ZNF600: variants seen among roughly 807,000 people sequenced by gnomAD.
ZNF600 encodes zinc finger protein 600.
ZNF600 carries 4 observed loss-of-function variants against 7.3 expected under a neutral mutation model. That is an observed-to-expected ratio of 0.55 (90% CI 0.27 to 1.25). The LOEUF is 1.25. ZNF600 is among the 50% of genes most tolerant of loss of function. The pLI is 0.12. For synonymous variants in ZNF600, 290 were observed against 308.9 expected (o/e 0.94, Z 0.64); for missense variants, 911 against 922.1 (o/e 0.99, Z 0.16).
At chr19:52,782,391 T>A (rs1312876177) in intron 1 of ZNF600, among the ~76,000 whole-genome samples, 1 of 149,710 alleles carries the variant, frequency 6.7e-6, no homozygotes, top group Non-Finnish European at 1.5e-5. Context: ...GCCATGGTGG[T>A]GCGTGCCTGT....
chr19:52,779,357 C>A (rs1309386812), intron 1 of ZNF600, among the ~76,000 whole-genome samples: 1 of 152,202 alleles, frequency 6.6e-6, no homozygotes, highest in African/African-American at 2.4e-5. Flanking sequence ...GAATAAGAAT[C>A]CCTGCTAAAG....
chr19:52,812,740 A>ATAAT, the ZNF600 span, among the ~76,000 whole-genome samples: 2 of 115,550 alleles, frequency 1.7e-5, no homozygotes, highest in Admixed American at 9.3e-5. Context: ...CCCCTCTGCG[A>ATAAT]GAAACACCCA....
chr19:52,814,102 T>A, the ZNF600 span, among the ~76,000 whole-genome samples: 38 of 146,674 alleles, frequency 2.6e-4, 3 homozygotes, highest in Non-Finnish European at 4.0e-4. Flanking sequence ...AATACACGTG[T>A]ACAAGACTTG....
In ZNF600 at chr19:52,785,653, A is replaced by G. The variant is rs947981741; in HGVS notation, c.-20+942T>C. ...TCTCTCCGTCTCCTCTGCTCTCCCTATTAAATTCTCTCTTCCCTGTTATAC... is the reference window on the plus strand; with the variant it reads ...TCTCTCCGTCTCCTCTGCTCTCCCTGTTAAATTCTCTCTTCCCTGTTATAC... On this transcript the variant is annotated intron_variant, in intron 1 of 3. Coordinates refer to ENST00000648973, the Ensembl canonical transcript of ZNF600. Among the ~76,000 whole-genome samples, 4 of 151,748 alleles carry G rather than the reference A, an allele frequency of 2.6e-5. No homozygotes were observed. In the East Asian group the frequency reaches 5.8e-4, roughly 22 times the overall value.
chr19:52,806,556 A>G, the ZNF600 span, among the ~76,000 whole-genome samples: 2 of 139,130 alleles, frequency 1.4e-5, no homozygotes, highest in Non-Finnish European at 3.0e-5. Flanking sequence ...ACATACCTGC[A>G]ACAATAACCT....
chr19:52,777,469 A>G (rs1247858971), intron 2 of ZNF600, among the ~76,000 whole-genome samples: 3 of 152,096 alleles, frequency 2.0e-5, no homozygotes, highest in Non-Finnish European at 2.9e-5. Flanking sequence ...GGAGGCCAGG[A>G]TATCAAGGCT....
In ZNF600 at chr19:52,785,909, C is replaced by T. The variant is rs370926499; in HGVS notation, c.-20+686G>A. Among the ~76,000 whole-genome samples the T allele has an allele frequency of 2.0e-5, 3 of 152,310 alleles. No individual in the cohort carries two copies. In the East Asian group the frequency reaches 5.8e-4, roughly 29 times the overall value. ...TCTACATTTCTCCAGTTGCTTTTCTCCTCCTGCTTTCTTAGTTTTTTTTCT... is the reference window on the plus strand; with the variant it reads ...TCTACATTTCTCCAGTTGCTTTTCTTCTCCTGCTTTCTTAGTTTTTTTTCT... On this transcript the variant is annotated intron_variant, in intron 1 of 3. Coordinates refer to ENST00000648973, the Ensembl canonical transcript of ZNF600.
chr19:52,823,248 C>G, the ZNF600 span, among the ~76,000 whole-genome samples: 6 of 152,152 alleles, frequency 3.9e-5, no homozygotes, highest in Admixed American at 1.3e-4. Flanking sequence ...GAGTCTTGCT[C>G]TGTTGCCCAG....
chr19:52,817,902 A>C, the ZNF600 span: 5 of 1,609,286 alleles, frequency 3.1e-6, no homozygotes, highest in Non-Finnish European at 4.2e-6. Flanking sequence ...AGCGTTTCTG[A>C]AAGGAAGGAG....
At chr19:52,802,823 T>TGC in the ZNF600 span, among the ~76,000 whole-genome samples, 172 of 150,186 alleles carry the variant, frequency 1.1e-3, no homozygotes, top group African/African-American at 4.1e-3. Context: ...TGCAGTGGCA[T>TGC]GATCTCGGCT....
the ZNF600 span, among the ~76,000 whole-genome samples, chr19:52,828,549 T>C: frequency 4.9e-4 from 74 of 152,286 alleles, no homozygotes; most frequent in Middle Eastern, 3.4e-3. Context: ...AGCCAGGCCA[T>C]ACAGCAATTC....
In ZNF600 at chr19:52,766,142, CCT is replaced by C. The variant is rs2062572731; in HGVS notation, c.1819_1820del (p.Arg607ValfsTer8). 8 of 1,613,846 alleles carry C rather than the reference CCT, an allele frequency of 5.0e-6. No homozygotes were observed. Among genetic ancestry groups the C allele is most frequent in the Non-Finnish European group, 5.9e-6 (7 of 1,179,982 alleles). On this transcript the variant is annotated frameshift_variant, in exon 4 of 4. Coordinates refer to ENST00000648973, the Ensembl canonical transcript of ZNF600. LOFTEE classifies it low-confidence loss of function (END_TRUNC). ...GTCTACGATGGCAATGAAGGTATGA[CCT>C]CTGACTGAAGGTCTTGCTGCACTCA...
At chr19:52,798,602 G>A in the ZNF600 span, 1 of 465,328 alleles carries the variant, frequency 2.1e-6, no homozygotes. Flanking sequence ...CATCACACTT[G>A]TGAGTTTCTC....
chr19:52,772,650 A>G (rs1360498572), intron 3 of ZNF600, among the ~76,000 whole-genome samples: 1 of 152,170 alleles, frequency 6.6e-6, no homozygotes, highest in East Asian at 1.9e-4. Flanking sequence ...GAGGCAAATT[A>G]ACATTATTTC....
chr19:52,796,143 C>G, the ZNF600 span, among the ~76,000 whole-genome samples: 1 of 152,174 alleles, frequency 6.6e-6, no homozygotes, highest in Non-Finnish European at 1.5e-5. Context: ...TCACTGCTTT[C>G]ATGCCTGGGC....
chr19:52,776,680 T>C (rs1338319151), intron 2 of ZNF600, among the ~76,000 whole-genome samples: 1 of 152,054 alleles, frequency 6.6e-6, no homozygotes, highest in African/African-American at 2.4e-5. Context: ...AAATGAAAAA[T>C]AGTTAAAATC....
intron 1 of ZNF600, among the ~76,000 whole-genome samples, chr19:52,781,942 T>C (rs1247223836): frequency 6.6e-6 from 1 of 151,648 alleles, no homozygotes; most frequent in African/African-American, 2.4e-5. Flanking sequence ...ATGCCTGTAA[T>C]CCCAGCTATT....
exon 4 of ZNF600, chr19:52,767,401 G>A (rs2062594523): frequency 6.2e-7 from 1 of 1,614,136 alleles, no homozygotes; most frequent in Non-Finnish European, 8.5e-7. Flanking sequence ...GAAACCGAGG[G>A]AGCATCACTG....
chr19:52,774,972 G>T (rs2062661711), intron 2 of ZNF600, among the ~76,000 whole-genome samples: 1 of 152,172 alleles, frequency 6.6e-6, no homozygotes, highest in African/African-American at 2.4e-5. Context: ...AGGCATGGTG[G>T]TTCACACCTG....
Sources: gnomAD v4.1 joint callset for allele counts (sites outside exome capture counted in the v4.1 genomes callset) on GRCh38, gnomAD v4.1.1 for gene constraint, MANE v1.5 for transcripts, NCBI Gene and HGNC (gene_info 2026-07-23, HGNC 2026-07-21) for gene names.